SNX10: variants seen among roughly 807,000 people sequenced by gnomAD.
SNX10 encodes sorting nexin 10.
In SNX10, 25 loss-of-function variants were observed where a neutral mutation model predicts 28.5. The observed-to-expected ratio is 0.88, with a 90% CI of 0.64 to 1.22. The LOEUF (loss-of-function observed/expected upper bound fraction) is 1.22. Ranked by LOEUF, SNX10 falls within the 50% of genes most tolerant of loss-of-function variation. The pLI, the probability that SNX10 is intolerant of heterozygous loss-of-function variation, is 0.00. For missense variants in SNX10, 223 were observed against 242.6 expected (o/e 0.92, Z 0.54); for synonymous variants, 62 against 81.4 (o/e 0.76, Z 1.28).
At chr7:26,314,602 G>T (rs763455390) in intron 1 of SNX10, among the ~76,000 whole-genome samples, 1 of 152,108 alleles carries the variant, frequency 6.6e-6, no homozygotes, top group African/African-American at 2.4e-5. Context: ...AACTATTTCC[G>T]TAGTATATGC....
At chr7:26,327,796 C>G (rs1398388228) in intron 1 of SNX10, among the ~76,000 whole-genome samples, 1 of 123,350 alleles carries the variant, frequency 8.1e-6, no homozygotes, top group Non-Finnish European at 1.6e-5. Flanking sequence ...GTGGTATGAT[C>G]TCGGCTCACT....
At chr7:26,316,212 T>TA (rs966351944) in intron 1 of SNX10, among the ~76,000 whole-genome samples, 3 of 143,884 alleles carry the variant, frequency 2.1e-5, no homozygotes, top group Admixed American at 6.9e-5. Flanking sequence ...AAACCTAGAG[T>TA]AAAAAAAATG....
intron 1 of SNX10, among the ~76,000 whole-genome samples, chr7:26,298,056 G>A (rs1482892801): frequency 6.6e-6 from 1 of 152,138 alleles, no homozygotes; most frequent in Non-Finnish European, 1.5e-5. Flanking sequence ...CATGGTGAAA[G>A]CCCATCTTTA....
Position 26,319,662 on chromosome 7 carries a change from C to A in SNX10, c.-23-26758C>A, listed in dbSNP as rs184366513. Among the ~76,000 whole-genome samples, 339 of 152,224 alleles carry A rather than the reference C, an allele frequency of 2.2e-3. 3 individuals carry two copies. Among genetic ancestry groups the A allele is most frequent in the African/African-American group, 7.8e-3 (323 of 41,542 alleles). On this transcript the variant is annotated intron_variant, in intron 1 of 6. Coordinates refer to ENST00000338523, the MANE Select transcript of SNX10 (RefSeq NM_013322.3). ...AACCCAGGAAAAAAGACAAAAAAAACCCATTTGGATTTGCTCTGCAGTTCT... is the reference window on the plus strand; with the variant it reads ...AACCCAGGAAAAAAGACAAAAAAAAACCATTTGGATTTGCTCTGCAGTTCT...
intron 2 of SNX10, among the ~76,000 whole-genome samples, chr7:26,352,083 G>A (rs2128015742): frequency 6.6e-6 from 1 of 151,862 alleles, no homozygotes; most frequent in South Asian, 2.1e-4. Context: ...GGATATGTAG[G>A]ACCACTCTGT....
intron 2 of SNX10, 114 bp from the exon 3 acceptor site, chr7:26,360,861 C>A: frequency 6.6e-7 from 1 of 1,515,664 alleles, no homozygotes; most frequent in South Asian, 1.3e-5. Flanking sequence ...ATTACAAGTA[C>A]CACATTGGTT....
chr7:26,297,570 C>T (rs1044622751), intron 1 of SNX10, among the ~76,000 whole-genome samples: 1 of 152,090 alleles, frequency 6.6e-6, no homozygotes, highest in African/African-American at 2.4e-5. Flanking sequence ...GCTCAGGCAC[C>T]CCCAATCTGT....
At chr7:26,317,252 G>A (rs893239856) in intron 1 of SNX10, among the ~76,000 whole-genome samples, 3 of 152,178 alleles carry the variant, frequency 2.0e-5, no homozygotes, top group East Asian at 1.9e-4. Context: ...GAGAGCAAGC[G>A]CCCTGGGTAG....
At chr7:26,307,005 C>A (rs973552481) in intron 1 of SNX10, among the ~76,000 whole-genome samples, 1 of 152,236 alleles carries the variant, frequency 6.6e-6, no homozygotes, top group African/African-American at 2.4e-5. Context: ...TTACCACTCA[C>A]TGTGCTCATC....
intron 1 of SNX10, among the ~76,000 whole-genome samples, chr7:26,338,224 C>T (rs1391697865): frequency 3.3e-5 from 5 of 151,432 alleles, no homozygotes; most frequent in Non-Finnish European, 5.9e-5. Flanking sequence ...TCAAGCAGCC[C>T]TACAACACCA....
At chr7:26,339,682 G>T (rs13244491) in intron 1 of SNX10, among the ~76,000 whole-genome samples, 2 of 151,726 alleles carry the variant, frequency 1.3e-5, no homozygotes, top group African/African-American at 2.4e-5. Context: ...GGGTAGCTGG[G>T]ATTACAGGCG....
chr7:26,343,598 C>T (rs1430897879), intron 1 of SNX10, among the ~76,000 whole-genome samples: 2 of 152,120 alleles, frequency 1.3e-5, no homozygotes, highest in Non-Finnish European at 2.9e-5. Context: ...GCAGAGAGCC[C>T]GGGAAGTGAT....
rs982361856 is a variant in SNX10, at chr7:26,351,646, G to GTTTT, written c.24+5189_24+5192dup. On this transcript the variant is annotated intron_variant, in intron 2 of 6. Transcript: ENST00000338523. ...AAAACTAAAGCAATCAAGCAGTCTG[G>GTTTT]TTTTTTTTTTTTGTTTTTTTTTTTT... is the stretch of plus-strand genomic sequence containing the variant. 6.5e-3 allele frequency among the ~76,000 whole-genome samples: 735 copies of GTTTT among 112,542 alleles called. 44 individuals carry two copies. The highest frequency in any genetic ancestry group is 0.016 in the African/African-American group (478 of 30,752). 73.8% of individuals were successfully genotyped at this position (112,542 alleles called of 152,430 possible). A position where few individuals can be genotyped will look rare whatever the true frequency, so the allele number is the denominator to read the frequency against.
At chr7:26,303,413 G>T (rs1186980035) in intron 1 of SNX10, among the ~76,000 whole-genome samples, 2 of 152,158 alleles carry the variant, frequency 1.3e-5, no homozygotes, top group African/African-American at 4.8e-5. Flanking sequence ...ACTTGCACAT[G>T]GTTCAGTGTG....
intron 1 of SNX10, among the ~76,000 whole-genome samples, chr7:26,326,949 CT>C (rs34664332): frequency 0.46 from 54,719 of 119,564 alleles, 9,924 homozygotes; most frequent in South Asian, 0.57. Flanking sequence ...TGTTAATTAT[CT>C]TTTTTTTTTT....
chr7:26,330,433 T>C (rs1787696596), intron 1 of SNX10, among the ~76,000 whole-genome samples: 1 of 151,894 alleles, frequency 6.6e-6, no homozygotes, highest in African/African-American at 2.4e-5. Context: ...CACATGAGGA[T>C]TGAGCAGCCG....
chr7:26,360,397 C>G, intron 2 of SNX10: 1 of 147,830 alleles, frequency 6.8e-6, no homozygotes, highest in African/African-American at 2.5e-5. Context: ...GGACTACAGG[C>G]ATGCACCACA....
chr7:26,354,695 TTTTTA>T (rs2128017610), intron 2 of SNX10, among the ~76,000 whole-genome samples: 2 of 92,832 alleles, frequency 2.2e-5, no homozygotes, highest in Non-Finnish European at 5.2e-5. Flanking sequence ...GTTTTGTTTT[TTTTTA>T]AAATATATTC....
At chr7:26,334,155 G>A (rs1469567933) in intron 1 of SNX10, among the ~76,000 whole-genome samples, 1 of 152,150 alleles carries the variant, frequency 6.6e-6, no homozygotes, top group Non-Finnish European at 1.5e-5. Flanking sequence ...GGGATGTCAA[G>A]GTAGTTTTTT....
Sources: allele counts gnomAD v4.1 joint callset (sites outside exome capture counted in the v4.1 genomes callset), GRCh38; gene constraint gnomAD v4.1.1; transcripts MANE v1.5; gene names NCBI Gene and HGNC (gene_info 2026-07-23, HGNC 2026-07-21).